MYOM3: variants seen among roughly 807,000 people sequenced by gnomAD.
MYOM3 encodes myomesin-3.
MYOM3 carries 155 observed loss-of-function variants against 191.7 expected under a neutral mutation model. The observed-to-expected ratio is 0.81, with a 90% CI of 0.71 to 0.92. The LOEUF (loss-of-function observed/expected upper bound fraction) is 0.92, where lower values mean the gene tolerates loss of function less well. Ranked by LOEUF, MYOM3 falls within the 40% of genes least tolerant of loss-of-function variation. MYOM3 has a pLI of 0.00. For synonymous variants in MYOM3, 757 were observed against 762.9 expected (o/e 0.99, Z 0.13); for missense variants, 1,889 against 1,890.6 (o/e 1.00, Z 0.02).
Position 24,099,412 on chromosome 1 carries a change from C to T in MYOM3, c.656+268G>A, listed in dbSNP as rs150951416. On this transcript the variant is annotated intron_variant, in intron 6 of 36. Transcript: ENST00000374434. ...CAGCCTCTGAGTCCAAATTTCTCACCGTGTATCTCAAGGCATCGGAATCAC... is the reference window on the plus strand; with the variant it reads ...CAGCCTCTGAGTCCAAATTTCTCACTGTGTATCTCAAGGCATCGGAATCAC... Among the ~76,000 whole-genome samples the T allele has an allele frequency of 8.3e-4, 125 of 150,928 alleles. 1 individual carries two copies. Among genetic ancestry groups the T allele is most frequent in the Non-Finnish European group, 6.5e-4 (44 of 67,918 alleles).
At chr1:24,082,740 T>G (rs751955928) in intron 16 of MYOM3, 26 bp from the exon 17 acceptor site, 4 of 1,573,004 alleles carry the variant, frequency 2.5e-6, no homozygotes, top group Non-Finnish European at 3.4e-6. Context: ...GCAGCTTTCA[T>G]GGATGTACAA....
At chr1:24,085,853 G>A (rs1643731684) in intron 15 of MYOM3, among the ~76,000 whole-genome samples, 1 of 152,184 alleles carries the variant, frequency 6.6e-6, no homozygotes, top group South Asian at 2.1e-4. Context: ...GTGTGCGCGT[G>A]TGTATTTTTT....
chr1:24,097,757 C>A lies in MYOM3; in HGVS notation c.745+166G>T, dbSNP rs541247720. Reference sequence around the variant, plus strand: ...AGGAGACTATCGCTTGCTGTGAAGGCCCCCAGGGAAGCGGGAGTCTCCAGG... The same window carrying A: ...AGGAGACTATCGCTTGCTGTGAAGGACCCCAGGGAAGCGGGAGTCTCCAGG... On this transcript the variant is annotated intron_variant, in intron 7 of 36. Coordinates refer to ENST00000374434, the MANE Select transcript of MYOM3 (RefSeq NM_152372.4). Among the ~76,000 whole-genome samples, 4 of 152,342 alleles carry A rather than the reference C, an allele frequency of 2.6e-5. No individual in the cohort carries two copies. In the East Asian group the frequency reaches 7.7e-4, roughly 29 times the overall value.
At position 24,058,969 on chromosome 1, in the gene MYOM3, T is replaced by C; in HGVS notation, c.4005A>G (p.Lys1335=). ...CCACATCCGGCAGACCTCTCACCAC[T>C]TTGGCACGATCTGGAAGGGAAATAA... ...TLAIIEKNRA[K]VVRGLPDVAT... The change falls in exon 36 of 37, where the codon AAA becomes AAG. Residue 1335 remains lysine (K), a synonymous_variant. Transcript: ENST00000374434. The C allele has an allele frequency of 1.2e-6, 2 of 1,611,946 alleles. No homozygotes were observed.
chr1:24,081,931 A>T lies in MYOM3; in HGVS notation c.2280+70T>A. On this transcript the variant is annotated intron_variant, in intron 18 of 36. Coordinates refer to ENST00000374434, the MANE Select transcript of MYOM3 (RefSeq NM_152372.4). ...CTGTCAGCCTCTGTCAGACTCCAAG[A>T]CTCAAGCAGTGCCCTCTGGTCGCTG... The T allele has an allele frequency of 2.1e-6, 3 of 1,432,492 alleles. No individual in the cohort carries two copies. The South Asian group carries it at 4.1e-5, about 20-fold the overall frequency. 88.7% of individuals were successfully genotyped at this position (1,432,492 alleles called of 1,614,324 possible).
chr1:24,092,953 C>G lies in MYOM3; in HGVS notation c.1084G>C (p.Val362Leu), dbSNP rs762666678. 1.9e-6 allele frequency: 3 copies of G among 1,573,724 alleles called. No homozygotes were observed. In the South Asian group the frequency reaches 3.5e-5, roughly 18 times the overall value. The change falls in exon 10 of 37, where the codon GTG becomes CTG. Residue 362 changes from valine (V) to leucine (L), a missense_variant. Physicochemically the swap from Val to Leu is conservative, Grantham distance 32. Transcript: ENST00000374434. The part of the protein sequence containing the change: ...GPREQSTYVL[V>L]RDAEAENPGA... Reference sequence around the variant, plus strand: ...CGCCCACCCATGCCCTCACCTCTCACAAGCACGTAGGTGCTCTGTTCCCGG... The same window carrying G: ...CGCCCACCCATGCCCTCACCTCTCAGAAGCACGTAGGTGCTCTGTTCCCGG...
chr1:24,089,645 G>A lies in MYOM3; in HGVS notation c.1507C>T (p.Pro503Ser), dbSNP rs374303524. ...AFEDTVTIPS[P>S]PTNVHASEIR... ...TCGCTGGCATGGACATTGGTTGGCG[G>A]TGAGGGGATGGTCACAGTATCTGAA... The change falls in exon 14 of 37, where the codon CCG (proline) becomes TCG (serine). Residue 503 changes from proline (P) to serine (S), a missense_variant. Physicochemically the swap from Pro to Ser is moderately conservative, Grantham distance 74. Coordinates refer to ENST00000374434, the MANE Select transcript of MYOM3 (RefSeq NM_152372.4). 3.1e-6 allele frequency: 5 copies of A among 1,587,836 alleles called. No individual in the cohort carries two copies. In the South Asian group the frequency reaches 5.8e-5, roughly 18 times the overall value.
chr1:24,108,594 G>A lies in MYOM3; in HGVS notation c.43C>T (p.Pro15Ser), dbSNP rs1202204384. ...CTGTGAACCTCCATGGCCTGGGGGGGCCGGGGGTCCCCCGCACCTCCCAAG... is the reference window on the plus strand; with the variant it reads ...CTGTGAACCTCCATGGCCTGGGGGGACCGGGGGTCCCCCGCACCTCCCAAG... ...HSLGGAGDPR[P>S]PQAMEVHRLE... is the part of the protein sequence containing the mutation. The change falls in exon 2 of 37, where the codon CCC becomes TCC. Residue 15 changes from proline (P) to serine (S), a missense_variant. By Grantham distance (74) the Pro-to-Ser change is moderately conservative. Transcript: ENST00000374434. 2.6e-6 allele frequency: 4 copies of A among 1,567,954 alleles called. No homozygotes were observed. Among genetic ancestry groups the A allele is most frequent in the Admixed American group, 2.0e-5 (1 of 51,144 alleles).
chr1:24,075,855 C>T (rs368608381), intron 21 of MYOM3, among the ~76,000 whole-genome samples: 2 of 152,138 alleles, frequency 1.3e-5, no homozygotes, highest in African/African-American at 2.4e-5. Context: ...GTGCAATGTG[C>T]GCATCACCAA....
At chr1:24,095,594 G>A in intron 7 of MYOM3, 108 bp from the exon 8 acceptor site, 10 of 927,488 alleles carry the variant, frequency 1.1e-5, no homozygotes, top group Non-Finnish European at 1.6e-5. Context: ...GTCTGTTGGT[G>A]GCTTCCCCTT....
At chr1:24,061,023 T>A in intron 35 of MYOM3, 37 bp downstream of exon 35, 1 of 1,613,142 alleles carries the variant, frequency 6.2e-7, no homozygotes, top group Non-Finnish European at 8.5e-7. Context: ...TGCCCCAAAT[T>A]CAGAAACAAA....
rs1643298510 is a variant in MYOM3 at position 24,056,160 on chromosome 1, G to C, written c.*1204C>G. 6.6e-6 allele frequency: 1 copy of C among 152,098 alleles called. No homozygotes were observed. Among genetic ancestry groups the C allele is most frequent in the Non-Finnish European group, 1.5e-5 (1 of 68,020 alleles). The allele number at this position is 152,098 out of a possible 1,614,324, so 9.4% of individuals were successfully genotyped here. On this transcript the variant is annotated 3_prime_UTR_variant, in exon 37 of 37. Transcript: ENST00000374434. The stretch of plus-strand genomic sequence containing the variant: ...CCATCTTATTTTTAAAAAGAAAAAA[G>C]TTGGGGGGCAGAGAAATGCCCAGCT...
intron 32 of MYOM3, among the ~76,000 whole-genome samples, chr1:24,062,371 C>T (rs1643381111): frequency 6.6e-6 from 1 of 152,182 alleles, no homozygotes; most frequent in Non-Finnish European, 1.5e-5. Context: ...GCAGAGGTGA[C>T]ACCTCTCTGC....
chr1:24,092,230 A>G lies in MYOM3; in HGVS notation c.1176T>C (p.Thr392=), dbSNP rs1377501221. The stretch of plus-strand genomic sequence containing the variant: ...CCCGGGTGTCACTGGGCGGGGCCCA[A>G]GTCAGGATGAGGCAGTCTCTGTTCA... ...LDVNRDCLIL[T]WAPPSDTRGN... The change falls in exon 11 of 37, where the codon ACT becomes ACC. Residue 392 remains threonine (T), a synonymous_variant. Coordinates refer to ENST00000374434, the MANE Select transcript of MYOM3 (RefSeq NM_152372.4). 10 of 1,441,396 alleles carry G rather than the reference A, an allele frequency of 6.9e-6. No individual in the cohort carries two copies. Among genetic ancestry groups the G allele is most frequent in the Non-Finnish European group, 9.2e-6 (10 of 1,089,038 alleles). 89.3% of individuals were successfully genotyped at this position (1,441,396 alleles called of 1,614,324 possible).
chr1:24,103,550 A>G (rs894019190), intron 5 of MYOM3, among the ~76,000 whole-genome samples: 5 of 152,172 alleles, frequency 3.3e-5, no homozygotes, highest in East Asian at 1.9e-4. Flanking sequence ...AGAAAACCCA[A>G]TTTCCCTTGA....
rs144151597 is a variant in MYOM3, at chr1:24,111,473, G to C, written c.-19+558C>G. ...TTAGCCAGTGGCTCCACCAGCTTCCGCGAGGCCGAATCCTGCCCTTGCCAG... is the reference window on the plus strand; with the variant it reads ...TTAGCCAGTGGCTCCACCAGCTTCCCCGAGGCCGAATCCTGCCCTTGCCAG... On this transcript the variant is annotated intron_variant, in intron 1 of 36. Coordinates refer to ENST00000374434, the MANE Select transcript of MYOM3 (RefSeq NM_152372.4). This position sits in a 1 kb window ranked among gnomAD's most constrained non-coding sequence, Gnocchi z 4.7. 6.6e-6 allele frequency among the ~76,000 whole-genome samples: 1 copy of C among 152,162 alleles called. No individual in the cohort carries two copies. The highest frequency in any genetic ancestry group is 2.1e-4 in the South Asian group (1 of 4,824).
rs1643477822 is a variant in MYOM3 at position 24,068,221 on chromosome 1, AC to A, written c.3295+1del. ...GGCGGGGCGAGGCTGGGCATGGCTG[AC>A]CGTCATCCACCAGTGTCAAGGTAAT... is the stretch of plus-strand genomic sequence containing the variant. On this transcript the variant is annotated splice_donor_variant, in intron 26 of 36. Coordinates refer to ENST00000374434, the MANE Select transcript of MYOM3 (RefSeq NM_152372.4). LOFTEE classifies it high-confidence loss of function. 3 of 1,607,330 alleles carry A rather than the reference AC, an allele frequency of 1.9e-6. No individual in the cohort carries two copies. In the South Asian group the frequency reaches 3.3e-5, roughly 18 times the overall value.
rs184825616 is a variant in MYOM3, at chr1:24,066,916, G to T, written c.3423+105C>A. The T allele has an allele frequency of 3.0e-4, 314 of 1,047,452 alleles. 2 individuals carry two copies. The East Asian group carries it at 8.3e-3, about 28-fold the overall frequency. The allele number at this position is 1,047,452 out of a possible 1,614,324, so 64.9% of individuals were successfully genotyped here. A position where few individuals can be genotyped will look rare whatever the true frequency, so the allele number is the denominator to read the frequency against. On this transcript the variant is annotated intron_variant, in intron 28 of 36. Transcript: ENST00000374434. ...GTGTGTGCGATCAGCCAAGCACAGA[G>T]TATGGAATTTAGGGGGCCGGGTGGG...
At chr1:24,082,351 C>G in intron 17 of MYOM3, 163 bp from the exon 18 acceptor site, 1 of 867,752 alleles carries the variant, frequency 1.2e-6, no homozygotes. Flanking sequence ...GCATCGGAGC[C>G]TCAGGTTTCT....
Sources: allele counts gnomAD v4.1 joint callset (sites outside exome capture counted in the v4.1 genomes callset), GRCh38; gene constraint gnomAD v4.1.1; non-coding constraint Gnocchi (gnomAD v3.1); transcripts MANE v1.5; gene names NCBI Gene and HGNC (gene_info 2026-07-23, HGNC 2026-07-21).